The following PTPRK variants were observed in gnomAD, a reference collection of about 807,000 sequenced individuals.
The protein encoded by PTPRK is protein tyrosine phosphatase receptor type K, also known as receptor-type tyrosine-protein phosphatase kappa.
A neutral mutation model predicts 178.0 loss-of-function variants in PTPRK; 75 were observed. The ratio of observed to expected loss-of-function variants is 0.42; its 90% CI spans 0.35 to 0.51. The LOEUF (loss-of-function observed/expected upper bound fraction) is 0.51, where lower values mean the gene tolerates loss of function less well. Ranked by LOEUF, PTPRK falls within the 20% of genes least tolerant of loss-of-function variation. PTPRK has a pLI of 0.02. For synonymous variants in PTPRK, 637 were observed against 620.6 expected, an observed-to-expected ratio of 1.03 and a Z score of -0.39; for missense variants, 1,441 against 1,797.8, an observed-to-expected ratio of 0.80 and a Z score of 3.59.
At chr6:128,022,103 G>A (rs1773600915) in intron 13 of PTPRK, among the ~76,000 whole-genome samples, 1 of 151,762 alleles carries the variant, frequency 6.6e-6, no homozygotes, top group Admixed American at 6.5e-5. Context: ...CACTCTGTAC[G>A]CCACTGTTTG....
intron 7 of PTPRK, among the ~76,000 whole-genome samples, chr6:128,144,709 T>C (rs1159565983): frequency 6.6e-6 from 1 of 152,146 alleles, no homozygotes; most frequent in Non-Finnish European, 1.5e-5. Context: ...GACAAGGACT[T>C]TGTTTACTAC....
chr6:128,183,502 G>A (rs1266301998), intron 7 of PTPRK, among the ~76,000 whole-genome samples: 1 of 152,064 alleles, frequency 6.6e-6, no homozygotes, highest in Non-Finnish European at 1.5e-5. Context: ...CTTTCAGCAG[G>A]AGTTTTTGAT....
chr6:128,135,576 T>C (rs984456641), intron 7 of PTPRK, among the ~76,000 whole-genome samples: 5 of 152,174 alleles, frequency 3.3e-5, no homozygotes, highest in African/African-American at 1.2e-4. Context: ...GCCTGAAAGG[T>C]GTATGGCCAG....
At chr6:127,989,076 C>T (rs1776288240) in intron 21 of PTPRK, among the ~76,000 whole-genome samples, 1 of 152,060 alleles carries the variant, frequency 6.6e-6, no homozygotes, top group Non-Finnish European at 1.5e-5. Context: ...GGTCACTGGT[C>T]AGCAGTTTGT....
chr6:128,003,845 A>T (rs1159745839), intron 15 of PTPRK, among the ~76,000 whole-genome samples: 2 of 151,910 alleles, frequency 1.3e-5, no homozygotes, highest in Non-Finnish European at 2.9e-5. Context: ...TCTATAGTGA[A>T]ATAAAAATAA....
chr6:128,060,036 A>G (rs1396070399), intron 13 of PTPRK, among the ~76,000 whole-genome samples: 1 of 152,122 alleles, frequency 6.6e-6, no homozygotes, highest in African/African-American at 2.4e-5. Flanking sequence ...ATGGTGGAGA[A>G]GAGTCTACTT....
intron 12 of PTPRK, among the ~76,000 whole-genome samples, chr6:128,067,214 A>G (rs1382054557): frequency 1.3e-5 from 2 of 152,144 alleles, no homozygotes; most frequent in Non-Finnish European, 2.9e-5. Context: ...CTGAGGGTGG[A>G]GTCCCAGCAG....
rs780013995 is a variant in PTPRK, at chr6:128,519,080, C to G, written c.100+1179G>C. The G allele has an allele frequency of 1.9e-6, 1 of 532,650 alleles. No homozygotes were observed. Among genetic ancestry groups the G allele is most frequent in the South Asian group, 1.4e-5 (1 of 71,228 alleles). 33.0% of individuals were successfully genotyped at this position (532,650 alleles called of 1,614,324 possible). ...CGTCTTCTCCATCACCCTCTGGCCA[C>G]CACTGCGTCTCCATCTGCACCGCGA... On this transcript the variant is annotated intron_variant, in intron 1 of 29. Transcript: ENST00000368226. This position sits in a 1 kb window ranked among gnomAD's most constrained non-coding sequence, Gnocchi z 4.3.
At chr6:128,503,742 C>T (rs1855890629) in intron 1 of PTPRK, among the ~76,000 whole-genome samples, 1 of 151,996 alleles carries the variant, frequency 6.6e-6, no homozygotes, top group African/African-American at 2.4e-5. Context: ...GCCCAATCAC[C>T]ACTCACTGCA....
intron 13 of PTPRK, among the ~76,000 whole-genome samples, chr6:128,049,619 A>C (rs750484355): frequency 6.6e-6 from 1 of 152,076 alleles, no homozygotes; most frequent in Non-Finnish European, 1.5e-5. Flanking sequence ...AATACTTTTA[A>C]AGATTCTTTA....
intron 13 of PTPRK, among the ~76,000 whole-genome samples, chr6:128,059,392 T>C (rs1029770727): frequency 8.5e-5 from 13 of 152,160 alleles, no homozygotes; most frequent in African/African-American, 3.1e-4. Context: ...TTTTTAGAGA[T>C]ACATTATAAA....
intron 3 of PTPRK, among the ~76,000 whole-genome samples, chr6:128,309,581 C>CA (rs1054192241): frequency 6.6e-6 from 1 of 152,130 alleles, no homozygotes; most frequent in Admixed American, 6.5e-5. Flanking sequence ...TTACTGCCGT[C>CA]AAAGTCTGTT....
intron 5 of PTPRK, among the ~76,000 whole-genome samples, chr6:128,230,188 G>A (rs1258736407): frequency 2.0e-5 from 3 of 152,218 alleles, no homozygotes; most frequent in Non-Finnish European, 4.4e-5. Context: ...AGAGGGACAT[G>A]TGGAACTGAA....
At chr6:128,023,346 A>C (rs1773810165) in intron 13 of PTPRK, among the ~76,000 whole-genome samples, 1 of 152,212 alleles carries the variant, frequency 6.6e-6, no homozygotes, top group South Asian at 2.1e-4. Flanking sequence ...TTCTGATCTT[A>C]AATTCACAAC....
intron 3 of PTPRK, among the ~76,000 whole-genome samples, chr6:128,308,021 C>T (rs934869725): frequency 6.6e-6 from 1 of 151,800 alleles, no homozygotes; most frequent in African/African-American, 2.4e-5. Flanking sequence ...GAAAACAACC[C>T]AACTATCCAT....
At position 128,226,867 on chromosome 6, in the gene PTPRK, G is replaced by A. The variant is rs1280882619; in HGVS notation, c.694-7771C>T. 9.4e-5 allele frequency among the ~76,000 whole-genome samples: 14 copies of A among 148,598 alleles called. No individual in the cohort carries two copies. The Admixed American group carries it at 9.5e-4, about 10-fold the overall frequency. ...TTCTTGAGGCCAGAGGGACAGAGAT[G>A]ATTTTAGGACCAGAAGTGCTTCTAG... On this transcript the variant is annotated intron_variant, in intron 5 of 29. Coordinates refer to ENST00000368226, the MANE Select transcript of PTPRK (RefSeq NM_002844.4).
chr6:128,470,842 G>C (rs1265966024), intron 1 of PTPRK, among the ~76,000 whole-genome samples: 2 of 106,654 alleles, frequency 1.9e-5, no homozygotes, highest in Admixed American at 9.9e-5. Flanking sequence ...CAGTTAAAAA[G>C]AAAGGAAAAA....
chr6:128,341,625 A>C (rs1206041686), intron 2 of PTPRK, among the ~76,000 whole-genome samples: 1 of 152,216 alleles, frequency 6.6e-6, no homozygotes, highest in Admixed American at 6.5e-5. Flanking sequence ...TTTATTTTCT[A>C]TGCCTTTGTC....
At chr6:128,339,726 C>T (rs1261022071) in intron 2 of PTPRK, among the ~76,000 whole-genome samples, 2 of 152,118 alleles carry the variant, frequency 1.3e-5, no homozygotes, top group Non-Finnish European at 1.5e-5. Context: ...AAATGAGAGT[C>T]TAACAAGTAA....
Sources: allele counts gnomAD v4.1 joint callset (sites outside exome capture counted in the v4.1 genomes callset), GRCh38; gene constraint gnomAD v4.1.1; non-coding constraint Gnocchi (gnomAD v3.1); transcripts MANE v1.5; gene names NCBI Gene and HGNC (gene_info 2026-07-23, HGNC 2026-07-21).